The following MRPL19 variants were observed in gnomAD, a reference collection of about 807,000 sequenced individuals.
MRPL19 encodes mitochondrial ribosomal protein L19, also known as large ribosomal subunit protein bL19m.
A neutral mutation model predicts 34.0 loss-of-function variants in MRPL19; 31 were observed. That is an observed-to-expected ratio of 0.91 (90% CI 0.68 to 1.23). The LOEUF (loss-of-function observed/expected upper bound fraction) is 1.23, where lower values mean the gene tolerates loss of function less well. Ranked by LOEUF, MRPL19 falls within the 50% of genes most tolerant of loss-of-function variation. The pLI is 0.00. For missense variants in MRPL19, 384 were observed against 367.6 expected (o/e 1.04, Z -0.37); for synonymous variants, 152 against 127.7 (o/e 1.19, Z -1.28).
chr2:75,647,444 G>C, intron 2 of MRPL19: 1 of 522,096 alleles, frequency 1.9e-6, no homozygotes, highest in Non-Finnish European at 3.4e-6. Context: ...TCAAGTAGGG[G>C]TTCCCCATAT....
At chr2:75,653,048 C>T (rs1678365410) in intron 4 of MRPL19, among the ~76,000 whole-genome samples, 1 of 152,186 alleles carries the variant, frequency 6.6e-6, no homozygotes, top group Non-Finnish European at 1.5e-5. Context: ...TGAATACCCA[C>T]ATTTTACTTT....
At chr2:75,651,532 A>C in intron 2 of MRPL19, 1 of 472,962 alleles carries the variant, frequency 2.1e-6, no homozygotes, top group East Asian at 5.6e-5. Flanking sequence ...AGTTGTCAGA[A>C]CCTTCATATT....
intron 2 of MRPL19, 132 bp from the exon 3 acceptor site, chr2:75,652,010 A>C: frequency 1.9e-6 from 1 of 536,182 alleles, no homozygotes; most frequent in South Asian, 3.2e-5. Context: ...TTTTAGAAAT[A>C]AGATTGACTT....
At chr2:75,649,231 A>G (rs1345047536) in intron 2 of MRPL19, among the ~76,000 whole-genome samples, 2 of 152,232 alleles carry the variant, frequency 1.3e-5, no homozygotes, top group Non-Finnish European at 2.9e-5. Context: ...ATATGTGTGA[A>G]GCTTGATTGT....
rs73936754 is a variant in MRPL19 at position 75,649,440 on chromosome 2, A to G, written c.221+2221A>G. ...CCTTTTTTTTTTAAGCTTACCAGCT[A>G]TTGTTGGTGTCTTTTATGTGTGGCT... On this transcript the variant is annotated intron_variant, in intron 2 of 5. Coordinates refer to ENST00000393909, the MANE Select transcript of MRPL19 (RefSeq NM_014763.4). Among the ~76,000 whole-genome samples the G allele has an allele frequency of 7.0e-3, 1,063 of 151,818 alleles. 8 individuals are homozygous for G. The highest frequency in any genetic ancestry group is 0.025 in the African/African-American group (1,016 of 41,354).
At chr2:75,647,289 G>A (rs1414913951) in intron 2 of MRPL19, 70 bp downstream of exon 2, 2 of 1,449,656 alleles carry the variant, frequency 1.4e-6, no homozygotes, top group Admixed American at 4.2e-5. Flanking sequence ...CGCGTTCGAG[G>A]TCCCGGCTCT....
chr2:75,646,937 G>C (rs371318820), intron 1 of MRPL19, 27 bp downstream of exon 1: 1 of 1,539,816 alleles, frequency 6.5e-7, no homozygotes, highest in East Asian at 2.3e-5. Flanking sequence ...TTGCGAGCTG[G>C]GGCGCGTTAG....
intron 4 of MRPL19, among the ~76,000 whole-genome samples, chr2:75,653,286 A>C (rs540072475): frequency 6.6e-6 from 1 of 152,256 alleles, no homozygotes; most frequent in Non-Finnish European, 1.5e-5. Flanking sequence ...ATGTGAAAGC[A>C]GTTGCTGTCT....
chr2:75,651,986 A>G (rs1301833665), intron 2 of MRPL19, 156 bp from the exon 3 acceptor site: 9 of 495,232 alleles, frequency 1.8e-5, no homozygotes, highest in African/African-American at 7.9e-5. Flanking sequence ...AGCTATTTTC[A>G]TGAGCATTAA....
chr2:75,654,730 A>G lies in MRPL19; in HGVS notation c.476-6A>G. The G allele has an allele frequency of 6.2e-7, 1 of 1,612,966 alleles. No individual in the cohort carries two copies. ...ATTGTAAGAATATGTTTTCTGTTCTATTTAGGTGTCGAGATTTGCTTTGAA... is the reference window on the plus strand; with the variant it reads ...ATTGTAAGAATATGTTTTCTGTTCTGTTTAGGTGTCGAGATTTGCTTTGAA... On this transcript the variant is annotated splice_region_variant and splice_polypyrimidine_tract_variant and intron_variant, in intron 4 of 5. Transcript: ENST00000393909.
chr2:75,647,292 C>A, intron 2 of MRPL19, 73 bp downstream of exon 2: 1 of 1,437,816 alleles, frequency 7.0e-7, no homozygotes. Flanking sequence ...GTTCGAGGTC[C>A]CGGCTCTAAG....
chr2:75,647,326 A>T, intron 2 of MRPL19, 107 bp downstream of exon 2: 2 of 1,023,316 alleles, frequency 2.0e-6, no homozygotes, highest in Non-Finnish European at 2.9e-6. Flanking sequence ...CTCCCCCTGC[A>T]CGAGCAGGTG....
At position 75,661,484 on chromosome 2, in the gene MRPL19, T is replaced by A. The variant is rs1335246543; in HGVS notation, c.*6199T>A. On this transcript the variant is annotated 3_prime_UTR_variant, in exon 6 of 6. Transcript: ENST00000393909. ...GCCCCTGCTTGTTTTTCAATGTGCCTACTCCACCATGTTGCTCAAGTATGT... is the reference window on the plus strand; with the variant it reads ...GCCCCTGCTTGTTTTTCAATGTGCCAACTCCACCATGTTGCTCAAGTATGT... 1 of 152,140 alleles carries A rather than the reference T, an allele frequency of 6.6e-6. No individual in the cohort carries two copies. Among genetic ancestry groups the A allele is most frequent in the African/African-American group, 2.4e-5 (1 of 41,422 alleles). The allele number at this position is 152,140 out of a possible 1,614,324, so 9.4% of individuals were successfully genotyped here. A position where few individuals can be genotyped will look rare whatever the true frequency, so the allele number is the denominator to read the frequency against.
At position 75,655,161 on chromosome 2, in the gene MRPL19, A is replaced by T. The variant is rs902852364; in HGVS notation, c.755A>T (p.Gln252Leu). ...AGATTTGATCTTTGTTTAACTGAAC[A>T]GCAAATGAAAGAAGCTCAGAAGTGG... ...GIRFDLCLTE[Q>L]QMKEAQKWNQ... is the part of the protein sequence containing the mutation. The change falls in exon 6 of 6, where the codon CAG becomes CTG. Residue 252 changes from glutamine (Q) to leucine (L), a missense_variant. Transcript: ENST00000393909. The T allele has an allele frequency of 5.0e-6, 8 of 1,612,980 alleles. No homozygotes were observed. Among genetic ancestry groups the T allele is most frequent in the African/African-American group, 2.7e-5 (2 of 74,798 alleles).
chr2:75,654,671 G>T, intron 4 of MRPL19, 65 bp from the exon 5 acceptor site: 1 of 1,414,928 alleles, frequency 7.1e-7, no homozygotes, highest in Non-Finnish European at 9.6e-7. Flanking sequence ...TGCTTTTACT[G>T]CAGTATGAAA....
chr2:75,647,435 C>G (rs907676520), intron 2 of MRPL19: 10 of 533,994 alleles, frequency 1.9e-5, no homozygotes, highest in Admixed American at 3.6e-5. Context: ...GTCAGAACTT[C>G]AAGTAGGGGT....
chr2:75,651,492 A>C, intron 2 of MRPL19: 1 of 519,084 alleles, frequency 1.9e-6, no homozygotes. Flanking sequence ...ATACCATCTC[A>C]GTTACTCTTC....
Position 75,646,840 on chromosome 2 carries a change from T to G in MRPL19, c.33T>G (p.Ala11=). 1 of 1,589,400 alleles carries G rather than the reference T, an allele frequency of 6.3e-7. No homozygotes were observed. Among genetic ancestry groups the G allele is most frequent in the Non-Finnish European group, 8.6e-7 (1 of 1,168,000 alleles). Residue 11 remains alanine, a synonymous_variant, in exon 1 of 6, where the codon GCT becomes GCG. Transcript: ENST00000393909. The part of the protein sequence containing the change: MAACIAAGHW[A]AMGLGRSFQA... ...CCTGCATTGCAGCGGGGCACTGGGC[T>G]GCAATGGGCCTAGGCCGGAGTTTCC... is the stretch of plus-strand genomic sequence containing the variant.
In MRPL19 at chr2:75,652,202, A is replaced by G; in HGVS notation, c.282A>G (p.Ile94Met). 6.2e-7 allele frequency: 1 copy of G among 1,607,688 alleles called. No homozygotes were observed. The highest frequency in any genetic ancestry group is 8.5e-7 in the Non-Finnish European group (1 of 1,176,434). The part of the protein sequence containing the change: ...RGRTDPLKFQ[I>M]ERKDMLERRK... ...GAACAGATCCTCTGAAATTTCAAAT[A>G]GAAAGAAAAGATATGTTAGAAAGGA... Residue 94 changes from isoleucine (I) to methionine (M), a missense_variant, in exon 3 of 6, where the codon ATA becomes ATG. By Grantham distance (10) the Ile-to-Met change is conservative. Transcript: ENST00000393909.
Sources: gnomAD v4.1 joint callset for allele counts (sites outside exome capture counted in the v4.1 genomes callset) on GRCh38, gnomAD v4.1.1 for gene constraint, MANE v1.5 for transcripts, NCBI Gene and HGNC (gene_info 2026-07-23, HGNC 2026-07-21) for gene names.